PCDHGB2: variants seen among roughly 807,000 people sequenced by gnomAD.
PCDHGB2 encodes protocadherin gamma-B2.
Under a neutral mutation model 59.3 loss-of-function variants are expected in PCDHGB2, and 55 were observed. The observed-to-expected ratio is 0.93, with a 90% CI of 0.75 to 1.16. PCDHGB2 has a LOEUF of 1.16. PCDHGB2 is among the 50% of genes most tolerant of loss of function. PCDHGB2 has a pLI of 0.00. For missense variants in PCDHGB2, 1,228 were observed against 1,198.5 expected (o/e 1.02, Z -0.36); for synonymous variants, 516 against 512.0 (o/e 1.01, Z -0.11).
chr5:141,486,816 C>G lies in PCDHGB2; in HGVS notation c.2422-7991C>G. The G allele has an allele frequency of 6.2e-7, 1 of 1,614,252 alleles. No individual in the cohort carries two copies. Among genetic ancestry groups the G allele is most frequent in the East Asian group, 2.2e-5 (1 of 44,884 alleles). ...CGGGGCAACCCACCCCTTAGCAGCACTGTAACAGTTCGTCTATTTGTGCTG... is the reference window on the plus strand; with the variant it reads ...CGGGGCAACCCACCCCTTAGCAGCAGTGTAACAGTTCGTCTATTTGTGCTG... On this transcript the variant is annotated intron_variant, in intron 1 of 3. Coordinates refer to ENST00000522605, the MANE Select transcript of PCDHGB2 (RefSeq NM_018923.3). The surrounding 1 kb of genome is among the most constrained non-coding windows in gnomAD (Gnocchi z 5.0).
rs561648427 is a variant in PCDHGB2, at chr5:141,379,679, T to G, written c.2421+17123T>G. The stretch of plus-strand genomic sequence containing the variant: ...TACTCTCACAAAAGTCATTCACTCA[T>G]GTGGACTGACCAACTGTTAAACATC... On this transcript the variant is annotated intron_variant, in intron 1 of 3. Coordinates refer to ENST00000522605, the MANE Select transcript of PCDHGB2 (RefSeq NM_018923.3). 2.0e-5 allele frequency: 3 copies of G among 152,260 alleles called. No individual in the cohort carries two copies. The South Asian group carries it at 6.2e-4, about 32-fold the overall frequency. The allele number at this position is 152,260 out of a possible 1,614,324, so 9.4% of individuals were successfully genotyped here. A position where few individuals can be genotyped will look rare whatever the true frequency, so the allele number is the denominator to read the frequency against.
chr5:141,377,955 G>T (rs557013488), intron 1 of PCDHGB2: 12 of 152,140 alleles, frequency 7.9e-5, no homozygotes, highest in African/African-American at 2.9e-4. Flanking sequence ...GTGTATCCAG[G>T]GCAACTTGAA....
Position 141,476,990 on chromosome 5 carries a change from C to T in PCDHGB2, c.2422-17817C>T, listed in dbSNP as rs2099402882. ...CGGCAGCCACAACCGCGCCGGCGTGCGGCAACTATTCGCCTTAGACCTTGT... is the reference window on the plus strand; with the variant it reads ...CGGCAGCCACAACCGCGCCGGCGTGTGGCAACTATTCGCCTTAGACCTTGT... On this transcript the variant is annotated intron_variant, in intron 1 of 3. Coordinates refer to ENST00000522605, the MANE Select transcript of PCDHGB2 (RefSeq NM_018923.3). The surrounding 1 kb of genome is among the most constrained non-coding windows in gnomAD (Gnocchi z 7.6). 6.2e-7 allele frequency: 1 copy of T among 1,614,220 alleles called. No individual in the cohort carries two copies. The highest frequency in any genetic ancestry group is 8.5e-7 in the Non-Finnish European group (1 of 1,180,046).
At chr5:141,437,345 A>T (rs1018513998) in intron 1 of PCDHGB2, among the ~76,000 whole-genome samples, 2 of 152,252 alleles carry the variant, frequency 1.3e-5, no homozygotes, top group Non-Finnish European at 2.9e-5. Context: ...TCACTGTTTT[A>T]TAGTACCTAA....
intron 1 of PCDHGB2, chr5:141,422,140 C>CG (rs1369033587): frequency 6.3e-7 from 1 of 1,586,656 alleles, no homozygotes; most frequent in Non-Finnish European, 8.5e-7. Context: ...AGTTCAAGTA[C>CG]GGGGGTCTCT....
chr5:141,403,201 C>T (rs1486888915), intron 1 of PCDHGB2: 2 of 1,614,002 alleles, frequency 1.2e-6, no homozygotes, highest in South Asian at 1.1e-5. Context: ...GCAGCGGCAC[C>T]TTGGTCACCG....
chr5:141,382,013 G>A (rs1000379234), intron 1 of PCDHGB2, among the ~76,000 whole-genome samples: 1 of 151,580 alleles, frequency 6.6e-6, no homozygotes, highest in Non-Finnish European at 1.5e-5. Context: ...ATTTTTAGTA[G>A]AGACGGGGTT....
At chr5:141,374,931 A>C in intron 1 of PCDHGB2, 1 of 1,614,022 alleles carries the variant, frequency 6.2e-7, no homozygotes, top group Non-Finnish European at 8.5e-7. Flanking sequence ...TCCTTTGTGA[A>C]GATTACAGAA....
chr5:141,475,049 A>G (rs553607902), intron 1 of PCDHGB2, among the ~76,000 whole-genome samples: 81 of 152,346 alleles, frequency 5.3e-4, no homozygotes, highest in African/African-American at 1.8e-3. Context: ...TGTATTTTCT[A>G]AAGATTTGTG....
rs750182814 is a variant in PCDHGB2, at chr5:141,375,970, G to T, written c.2421+13414G>T. 15 of 1,613,334 alleles carry T rather than the reference G, an allele frequency of 9.3e-6. No homozygotes were observed. The South Asian group carries it at 1.6e-4, about 18-fold the overall frequency. Reference sequence around the variant, plus strand: ...TGCACACGGGCGAGGTGCGCACGGCGCGCGCCCTGCTGGACAGAGACGCGC... The same window carrying T: ...TGCACACGGGCGAGGTGCGCACGGCTCGCGCCCTGCTGGACAGAGACGCGC... On this transcript the variant is annotated intron_variant, in intron 1 of 3. Transcript: ENST00000522605.
intron 2 of PCDHGB2, among the ~76,000 whole-genome samples, chr5:141,501,184 C>T (rs1209222790): frequency 6.6e-6 from 1 of 152,002 alleles, no homozygotes; most frequent in Non-Finnish European, 1.5e-5. Context: ...CATTTTAACA[C>T]AATTAAATTC....
intron 1 of PCDHGB2, chr5:141,403,168 G>A: frequency 1.2e-6 from 2 of 1,614,032 alleles, no homozygotes; most frequent in African/African-American, 1.3e-5. Context: ...GAGGTAGGAC[G>A]CAGCTTTTCT....
At chr5:141,441,948 G>A in intron 1 of PCDHGB2, 1 of 332,472 alleles carries the variant, frequency 3.0e-6, no homozygotes, top group Non-Finnish European at 5.8e-6. Flanking sequence ...ACGTGCTGCA[G>A]GCCAGCAAGC....
intron 1 of PCDHGB2, among the ~76,000 whole-genome samples, chr5:141,430,013 G>T (rs2097256191): frequency 6.6e-6 from 1 of 151,922 alleles, no homozygotes; most frequent in South Asian, 2.1e-4. Context: ...TTTTCACTTG[G>T]GTTCTTGTTA....
At chr5:141,469,885 C>A (rs1464434089) in intron 1 of PCDHGB2, among the ~76,000 whole-genome samples, 3 of 152,204 alleles carry the variant, frequency 2.0e-5, no homozygotes, top group African/African-American at 4.8e-5. Context: ...AATCTCGGCA[C>A]TTTGGGAAGC....
intron 1 of PCDHGB2, among the ~76,000 whole-genome samples, chr5:141,447,143 T>G (rs1484774611): frequency 2.6e-5 from 4 of 152,132 alleles, no homozygotes; most frequent in Admixed American, 6.6e-5. Flanking sequence ...TTGTTTTTTG[T>G]TTTTGTTTTT....
chr5:141,418,637 T>A, intron 1 of PCDHGB2: 1 of 1,613,998 alleles, frequency 6.2e-7, no homozygotes. Context: ...TCCAGGCACC[T>A]CCATCCTGAG....
intron 1 of PCDHGB2, chr5:141,370,643 C>T (rs1767087825): frequency 6.2e-7 from 1 of 1,613,934 alleles, no homozygotes; most frequent in African/African-American, 1.3e-5. Flanking sequence ...AAAATGGGAA[C>T]TTACTTGTGA....
At chr5:141,427,637 C>T (rs771573587) in intron 1 of PCDHGB2, 5 of 707,806 alleles carry the variant, frequency 7.1e-6, no homozygotes, top group Non-Finnish European at 1.3e-5. Context: ...CGGTTTTCCA[C>T]CAAGTCTCCT....
Sources: gnomAD v4.1 joint callset for allele counts (sites outside exome capture counted in the v4.1 genomes callset) on GRCh38, gnomAD v4.1.1 for gene constraint, Gnocchi (gnomAD v3.1) non-coding constraint, MANE v1.5 for transcripts, NCBI Gene and HGNC (gene_info 2026-07-23, HGNC 2026-07-21) for gene names.